The following SH3PXD2A variants were observed in gnomAD, a reference collection of about 807,000 sequenced individuals.
The protein encoded by SH3PXD2A is SH3 and PX domains 2A.
A neutral mutation model predicts 115.2 loss-of-function variants in SH3PXD2A; 32 were observed. That is an observed-to-expected ratio of 0.28 (90% CI 0.21 to 0.37). SH3PXD2A has a LOEUF of 0.37. SH3PXD2A is among the 10% of genes least tolerant of loss of function. SH3PXD2A has a pLI of 1.00. For synonymous variants in SH3PXD2A, 610 were observed against 629.1 expected (o/e 0.97, Z 0.45); for missense variants, 1,328 against 1,498.7 (o/e 0.89, Z 1.88).
At chr10:103,835,755 A>G (rs977328714) in intron 1 of SH3PXD2A, among the ~76,000 whole-genome samples, 1 of 152,098 alleles carries the variant, frequency 6.6e-6, no homozygotes, top group Non-Finnish European at 1.5e-5. Context: ...TTTTCCCTGA[A>G]GCAGGTCCTC....
chr10:103,686,745 ATT>A (rs760028346), intron 6 of SH3PXD2A, among the ~76,000 whole-genome samples: 76 of 128,542 alleles, frequency 5.9e-4, no homozygotes, highest in African/African-American at 1.6e-3. Flanking sequence ...TTGCTGGGGA[ATT>A]TTTTTTTTTT....
At chr10:103,838,426 G>A (rs189977458) in intron 1 of SH3PXD2A, among the ~76,000 whole-genome samples, 2 of 152,294 alleles carry the variant, frequency 1.3e-5, no homozygotes, top group East Asian at 1.9e-4. Context: ...CACTGAGGGG[G>A]TAAGTGACTC....
intron 10 of SH3PXD2A, among the ~76,000 whole-genome samples, chr10:103,619,811 C>T (rs537485435): frequency 9.8e-5 from 15 of 152,320 alleles, no homozygotes; most frequent in Admixed American, 2.0e-4. Flanking sequence ...CAGGAGTTCA[C>T]GTGCTGCTGG....
intron 8 of SH3PXD2A, among the ~76,000 whole-genome samples, chr10:103,652,358 G>A (rs189308477): frequency 8.5e-5 from 13 of 152,316 alleles, no homozygotes; most frequent in African/African-American, 3.1e-4. Flanking sequence ...CCATCTGGGT[G>A]AACTGGGTCA....
intron 6 of SH3PXD2A, among the ~76,000 whole-genome samples, chr10:103,692,701 G>A (rs951281468): frequency 1.3e-5 from 2 of 152,160 alleles, no homozygotes; most frequent in African/African-American, 2.4e-5. Flanking sequence ...GGACCCGGCT[G>A]CTCACCGTGC....
chr10:103,753,619 C>A (rs2038606226), intron 3 of SH3PXD2A, among the ~76,000 whole-genome samples: 1 of 152,080 alleles, frequency 6.6e-6, no homozygotes, highest in Non-Finnish European at 1.5e-5. Context: ...GTCATGCACC[C>A]CTTCTAGCCT....
At chr10:103,616,894 G>A (rs1226467431) in intron 11 of SH3PXD2A, among the ~76,000 whole-genome samples, 1 of 152,284 alleles carries the variant, frequency 6.6e-6, no homozygotes, top group Admixed American at 6.5e-5. Context: ...ATTCAGATGT[G>A]CTGAGCTCTC....
intron 7 of SH3PXD2A, among the ~76,000 whole-genome samples, chr10:103,664,471 G>A (rs908287177): frequency 1.2e-4 from 18 of 152,300 alleles, no homozygotes; most frequent in African/African-American, 3.4e-4. Flanking sequence ...ATGAGGGTAA[G>A]TGAATTCTCT....
Position 103,735,815 on chromosome 10 carries a change from G to A in SH3PXD2A, c.230-7C>T. On this transcript the variant is annotated splice_polypyrimidine_tract_variant and splice_region_variant and intron_variant, in intron 3 of 14. Transcript: ENST00000369774. Reference sequence around the variant, plus strand: ...CTGCGGAAGAGGATCTTGCCTGGAAGAGAGATGCTCATGAGTGGGGGATTC... The same window carrying A: ...CTGCGGAAGAGGATCTTGCCTGGAAAAGAGATGCTCATGAGTGGGGGATTC... The A allele has an allele frequency of 1.2e-6, 2 of 1,612,754 alleles. No homozygotes were observed. The highest frequency in any genetic ancestry group is 1.7e-6 in the Non-Finnish European group (2 of 1,178,778).
At chr10:103,611,087 C>G (rs1010774571) in intron 13 of SH3PXD2A, among the ~76,000 whole-genome samples, 2 of 152,196 alleles carry the variant, frequency 1.3e-5, no homozygotes, top group African/African-American at 4.8e-5. Flanking sequence ...CAGTGTTAAC[C>G]TCTTAAAGCT....
intron 3 of SH3PXD2A, chr10:103,736,859 G>A (rs2038386641): frequency 9.5e-7 from 1 of 1,051,206 alleles, no homozygotes; most frequent in African/African-American, 1.6e-5. Flanking sequence ...CCCAGTCCTT[G>A]TGGTGTCAGT....
In SH3PXD2A at chr10:103,638,857, G is replaced by A. The variant is rs58823380; in HGVS notation, c.605-11655C>T. Among the ~76,000 whole-genome samples, 486 of 152,370 alleles carry A rather than the reference G, an allele frequency of 3.2e-3. 3 individuals carry two copies. Among genetic ancestry groups the A allele is most frequent in the African/African-American group, 0.011 (464 of 41,594 alleles). On this transcript the variant is annotated intron_variant, in intron 8 of 14. Coordinates refer to ENST00000369774, the MANE Select transcript of SH3PXD2A (RefSeq NM_001394015.1). Reference sequence around the variant, plus strand: ...GGGCCAGGGATGGCCAGGGAAGCAGGTAGGTCTTGGGTGTCTGGAGTTTCA... The same window carrying A: ...GGGCCAGGGATGGCCAGGGAAGCAGATAGGTCTTGGGTGTCTGGAGTTTCA...
At chr10:103,783,359 C>A (rs902236197) in intron 2 of SH3PXD2A, among the ~76,000 whole-genome samples, 45 of 152,288 alleles carry the variant, frequency 3.0e-4, no homozygotes, top group African/African-American at 1.1e-3. Flanking sequence ...AGGAGGCTGT[C>A]TCAGTTGCCC....
At chr10:103,668,242 G>A (rs141414926) in intron 7 of SH3PXD2A, among the ~76,000 whole-genome samples, 121 of 152,394 alleles carry the variant, frequency 7.9e-4, no homozygotes, top group African/African-American at 2.7e-3. Flanking sequence ...CCCCACCACT[G>A]CCTGAGCACT....
At chr10:103,790,842 T>C (rs1186377449) in intron 2 of SH3PXD2A, among the ~76,000 whole-genome samples, 1 of 152,248 alleles carries the variant, frequency 6.6e-6, no homozygotes, top group African/African-American at 2.4e-5. Context: ...GAGTGCCAGA[T>C]ACTTGTCATC....
chr10:103,840,047 G>A (rs1453198837), intron 1 of SH3PXD2A, among the ~76,000 whole-genome samples: 2 of 152,254 alleles, frequency 1.3e-5, no homozygotes, highest in Non-Finnish European at 2.9e-5. Context: ...CCAGGCAAGA[G>A]CCCAGCGCTG....
At chr10:103,613,523 G>A (rs947350295) in intron 11 of SH3PXD2A, among the ~76,000 whole-genome samples, 7 of 152,234 alleles carry the variant, frequency 4.6e-5, no homozygotes, top group Admixed American at 6.5e-5. Flanking sequence ...CTTCATAATG[G>A]CCTGCTACTT....
chr10:103,686,288 C>CA (rs2037676932), intron 6 of SH3PXD2A, among the ~76,000 whole-genome samples: 1 of 152,246 alleles, frequency 6.6e-6, no homozygotes, highest in African/African-American at 2.4e-5. Flanking sequence ...GATGAACCCT[C>CA]AGGCTCTCCT....
intron 3 of SH3PXD2A, among the ~76,000 whole-genome samples, chr10:103,761,218 C>T (rs1262871463): frequency 1.3e-5 from 2 of 152,112 alleles, no homozygotes; most frequent in African/African-American, 4.8e-5. Flanking sequence ...GTTTTGATAA[C>T]ATACTGCGGT....
Sources: gnomAD v4.1 joint callset for allele counts (sites outside exome capture counted in the v4.1 genomes callset) on GRCh38, gnomAD v4.1.1 for gene constraint, MANE v1.5 for transcripts, NCBI Gene and HGNC (gene_info 2026-07-23, HGNC 2026-07-21) for gene names.